The following VSTM4 variants were observed in gnomAD, a reference collection of about 807,000 sequenced individuals.
VSTM4 encodes the protein V-set and transmembrane domain-containing protein 4.
VSTM4 carries 20 observed loss-of-function variants against 36.4 expected under a neutral mutation model. The ratio of observed to expected loss-of-function variants is 0.55; its 90% CI spans 0.39 to 0.80. The LOEUF (loss-of-function observed/expected upper bound fraction) is 0.80. VSTM4 is among the 30% of genes least tolerant of loss of function. VSTM4 has a pLI of 0.00. For synonymous variants in VSTM4, 182 were observed against 173.9 expected (o/e 1.05, Z -0.37); for missense variants, 392 against 404.5 (o/e 0.97, Z 0.26).
Position 49,114,072 on chromosome 10 carries a change from T to C in VSTM4, c.55+1359A>G, listed in dbSNP as rs149680287. 2.4e-3 allele frequency among the ~76,000 whole-genome samples: 369 copies of C among 152,320 alleles called. 1 individual carries two copies. Among genetic ancestry groups the C allele is most frequent in the African/African-American group, 8.1e-3 (336 of 41,572 alleles). ...TGGGAGAGGAAGGACCACTGGCTGC[T>C]GGCTACTCCACAGAGACCACGAGAA... On this transcript the variant is annotated intron_variant, in intron 1 of 7. Transcript: ENST00000332853.
In VSTM4 at chr10:49,090,438, G is replaced by A. The variant is rs918028976; in HGVS notation, c.458-4415C>T. On this transcript the variant is annotated intron_variant, in intron 2 of 7. Transcript: ENST00000332853. Reference sequence around the variant, plus strand: ...GTGCCCAGCCCAATCCCCCAAAGAGGAAAGCAAGTGCATGACAGTCAGCTG... The same window carrying A: ...GTGCCCAGCCCAATCCCCCAAAGAGAAAAGCAAGTGCATGACAGTCAGCTG... Among the ~76,000 whole-genome samples the A allele has an allele frequency of 8.5e-5, 13 of 152,228 alleles. No individual in the cohort carries two copies. In the South Asian group the frequency reaches 2.1e-3, roughly 24 times the overall value.
intron 5 of VSTM4, among the ~76,000 whole-genome samples, chr10:49,056,544 A>G (rs1467802408): frequency 1.3e-5 from 2 of 152,208 alleles, no homozygotes; most frequent in Non-Finnish European, 2.9e-5. Flanking sequence ...CACAAAGGCC[A>G]TGGATGGATG....
At chr10:49,106,134 ACT>A (rs1235686100) in intron 2 of VSTM4, among the ~76,000 whole-genome samples, 1 of 152,142 alleles carries the variant, frequency 6.6e-6, no homozygotes, top group African/African-American at 2.4e-5. Context: ...TACTGTAAAG[ACT>A]CTGTATATAA....
At chr10:49,061,802 T>C (rs961362049) in intron 5 of VSTM4, among the ~76,000 whole-genome samples, 14 of 152,150 alleles carry the variant, frequency 9.2e-5, no homozygotes, top group African/African-American at 3.4e-4. Context: ...AGCATACCAG[T>C]TGGGTCATTT....
rs1174182508 is a variant in VSTM4 at position 49,017,092 on chromosome 10, T to A, written c.*2558A>T. On this transcript the variant is annotated 3_prime_UTR_variant, in exon 8 of 8. Transcript: ENST00000332853. ...ATAGTGAAAACAAATTGACAAACTT[T>A]CCCTAATTTCTATTTCAATGATATG... The A allele has an allele frequency of 6.6e-6, 1 of 152,242 alleles. No individual in the cohort carries two copies. The highest frequency in any genetic ancestry group is 1.5e-5 in the Non-Finnish European group (1 of 68,038). 9.4% of individuals were successfully genotyped at this position (152,242 alleles called of 1,614,324 possible).
chr10:49,041,197 C>T (rs1183615405), intron 7 of VSTM4, among the ~76,000 whole-genome samples: 1 of 152,064 alleles, frequency 6.6e-6, no homozygotes, highest in Non-Finnish European at 1.5e-5. Context: ...AGATGCTAGG[C>T]CTGATATTTT....
At chr10:49,106,533 G>T (rs995947770) in intron 2 of VSTM4, among the ~76,000 whole-genome samples, 6 of 152,236 alleles carry the variant, frequency 3.9e-5, no homozygotes, top group Non-Finnish European at 8.8e-5. Flanking sequence ...TCTTCAGGAA[G>T]GGAGGGCTAC....
At chr10:49,103,960 C>T (rs1026153750) in intron 2 of VSTM4, 1 of 989,792 alleles carries the variant, frequency 1.0e-6, no homozygotes, top group African/African-American at 1.6e-5. Context: ...GTTTGATATT[C>T]TAACCCAAAG....
intron 7 of VSTM4, among the ~76,000 whole-genome samples, chr10:49,029,313 TAAAG>T (rs1843310744): frequency 1.3e-5 from 2 of 152,316 alleles, no homozygotes; most frequent in South Asian, 4.1e-4. Context: ...TAAATAAAAA[TAAAG>T]AAACAAAAGA....
intron 5 of VSTM4, among the ~76,000 whole-genome samples, chr10:49,048,900 A>G (rs1488517978): frequency 6.6e-6 from 1 of 152,320 alleles, no homozygotes; most frequent in East Asian, 1.9e-4. Context: ...CTAGGGATGC[A>G]TGGGTTGATG....
At chr10:49,023,435 G>A (rs1843211237) in intron 7 of VSTM4, among the ~76,000 whole-genome samples, 1 of 152,206 alleles carries the variant, frequency 6.6e-6, no homozygotes, top group African/African-American at 2.4e-5. Context: ...TTCAGTGGAA[G>A]GTTTAAGGTG....
chr10:49,085,891 T>G (rs77582989), intron 3 of VSTM4, 64 bp downstream of exon 3: 2 of 1,042,766 alleles, frequency 1.9e-6, no homozygotes, highest in Non-Finnish European at 2.8e-6. Context: ...AAGTATAATT[T>G]AAAAAAAAAG....
intron 4 of VSTM4, among the ~76,000 whole-genome samples, chr10:49,074,430 G>C (rs1282977789): frequency 6.6e-6 from 1 of 152,202 alleles, no homozygotes; most frequent in Non-Finnish European, 1.5e-5. Context: ...GAGCTGGCTG[G>C]AAATGTAGGA....
At chr10:49,044,951 A>G (rs1355137721) in intron 7 of VSTM4, among the ~76,000 whole-genome samples, 1 of 152,204 alleles carries the variant, frequency 6.6e-6, no homozygotes, top group Non-Finnish European at 1.5e-5. Flanking sequence ...CATTGAAAAG[A>G]TAATCTCTTT....
chr10:49,048,478 C>A lies in VSTM4; in HGVS notation c.775G>T (p.Ala259Ser), dbSNP rs1397516448. The A allele has an allele frequency of 6.3e-7, 1 of 1,585,600 alleles. No individual in the cohort carries two copies. Among genetic ancestry groups the A allele is most frequent in the Non-Finnish European group, 8.5e-7 (1 of 1,170,894 alleles). Reference protein sequence around the residue: ...PDIPPAVPAKAPIAPTFHKPK... With the variant: ...PDIPPAVPAKSPIAPTFHKPK... ...AAGAAACTGCAGGCCAGCTCCTTACCTTTGGCAGGGACTGCGGGAGGAATG... is the reference window on the plus strand; with the variant it reads ...AAGAAACTGCAGGCCAGCTCCTTACATTTGGCAGGGACTGCGGGAGGAATG... Residue 259 changes from alanine (A) to serine (S), a missense_variant and splice_region_variant, in exon 6 of 8, where the codon GCT becomes TCT. Coordinates refer to ENST00000332853, the MANE Select transcript of VSTM4 (RefSeq NM_001031746.5).
chr10:49,060,348 A>G (rs933486992), intron 5 of VSTM4, among the ~76,000 whole-genome samples: 4 of 152,162 alleles, frequency 2.6e-5, no homozygotes, highest in African/African-American at 9.7e-5. Flanking sequence ...ATTTCTCCAC[A>G]TCTTTGCCAG....
intron 7 of VSTM4, among the ~76,000 whole-genome samples, chr10:49,045,601 C>A (rs555368651): frequency 1.0e-3 from 156 of 152,270 alleles, no homozygotes; most frequent in African/African-American, 3.6e-3. Flanking sequence ...TCATGACATG[C>A]CTCCCTTCTG....
intron 7 of VSTM4, among the ~76,000 whole-genome samples, chr10:49,046,741 TC>T (rs1454069715): frequency 6.6e-6 from 1 of 152,228 alleles, no homozygotes; most frequent in Non-Finnish European, 1.5e-5. Flanking sequence ...ATGGCTTTTC[TC>T]CCGTTTGAAA....
intron 2 of VSTM4, chr10:49,103,992 A>G (rs2132021804): frequency 1.4e-6 from 1 of 714,110 alleles, no homozygotes; most frequent in East Asian, 2.8e-5. Flanking sequence ...AGAACTTCTC[A>G]TCCTTGTTGT....
Sources: gnomAD v4.1 joint callset for allele counts (sites outside exome capture counted in the v4.1 genomes callset) on GRCh38, gnomAD v4.1.1 for gene constraint, MANE v1.5 for transcripts, NCBI Gene and HGNC (gene_info 2026-07-23, HGNC 2026-07-21) for gene names.